Variants in RGL2 observed in about 807,000 individuals in gnomAD.
RGL2 encodes the protein ral guanine nucleotide dissociation stimulator like 2.
In RGL2, 40 loss-of-function variants were observed where a neutral mutation model predicts 84.6. The ratio of observed to expected loss-of-function variants is 0.47; its 90% CI spans 0.37 to 0.62. The LOEUF (loss-of-function observed/expected upper bound fraction) is 0.62, where lower values mean the gene tolerates loss of function less well. Ranked by LOEUF, RGL2 falls within the 20% of genes least tolerant of loss-of-function variation. The probability of loss-of-function intolerance (pLI) is 0.00; values close to 1 mark genes in which losing one functional copy is unlikely to be tolerated. For synonymous variants in RGL2, 369 were observed against 417.3 expected (o/e 0.88, Z 1.41); for missense variants, 865 against 1,019.7 (o/e 0.85, Z 2.07).
In RGL2 at chr6:33,294,600, A is replaced by C. The variant is rs1464806406; in HGVS notation, c.1353+88T>G. On this transcript the variant is annotated intron_variant, in intron 11 of 17. Transcript: ENST00000497454. This position sits in a 1 kb window ranked among gnomAD's most constrained non-coding sequence, Gnocchi z 5.0. ...TCCCACACTCAGCTATTTGTGCCTT[A>C]CAGCCCCTTGCAAGGGGCGGGGGGG... The C allele has an allele frequency of 4.2e-6, 6 of 1,415,338 alleles. No homozygotes were observed. In the Admixed American group the frequency reaches 5.4e-5, roughly 13 times the overall value. The allele number at this position is 1,415,338 out of a possible 1,614,324, so 87.7% of individuals were successfully genotyped here. A position where few individuals can be genotyped will look rare whatever the true frequency, so the allele number is the denominator to read the frequency against.
In RGL2 at chr6:33,293,467, A is replaced by G. The variant is rs138843132; in HGVS notation, c.1662T>C (p.Thr554=). ...GAGTTGTAGGCGCCTCATCTCCCCC[A>G]GTACTGGGCCGGTCACAGGACACAA... ...TPLVSCDRPS[T]GGDEAPTTPA... Residue 554 remains threonine (T), a synonymous_variant, in exon 15 of 18, where the codon ACT becomes ACC. Coordinates refer to ENST00000497454, the MANE Select transcript of RGL2 (RefSeq NM_004761.5). The surrounding 1 kb of genome is among the most constrained non-coding windows in gnomAD (Gnocchi z 7.0). 3.1e-6 allele frequency: 5 copies of G among 1,614,094 alleles called. No individual in the cohort carries two copies. Among genetic ancestry groups the G allele is most frequent in the Non-Finnish European group, 4.2e-6 (5 of 1,179,982 alleles).
rs769005596 is a variant in RGL2 at position 33,294,691 on chromosome 6, C to T, written c.1350G>A (p.Leu450=). 5.6e-6 allele frequency: 9 copies of T among 1,613,928 alleles called. No homozygotes were observed. The highest frequency in any genetic ancestry group is 7.6e-6 in the Non-Finnish European group (9 of 1,180,006). The change falls in exon 11 of 18, where the codon TTG becomes TTA. Residue 450 remains leucine, a synonymous_variant. Coordinates refer to ENST00000497454, the MANE Select transcript of RGL2 (RefSeq NM_004761.5). This position sits in a 1 kb window ranked among gnomAD's most constrained non-coding sequence, Gnocchi z 5.0. The stretch of plus-strand genomic sequence containing the variant: ...GACACACACACACACCACTGACCTC[C>T]AACTCATCCTTGGAGGCTGCATCCA... ...VMLDAASKDE[L]ENGYINFDKR...
chr6:33,298,860 AGGCTCTGACCTGCTCG>A lies in RGL2; in HGVS notation c.-48_-42+9del, dbSNP rs1768288913. The A allele has an allele frequency of 6.6e-6, 2 of 301,174 alleles. No homozygotes were observed. The highest frequency in any genetic ancestry group is 1.2e-5 in the Non-Finnish European group (2 of 168,558). The allele number at this position is 301,174 out of a possible 1,614,324, so 18.7% of individuals were successfully genotyped here. On this transcript the variant is annotated splice_donor_variant and splice_donor_5th_base_variant and 5_prime_UTR_variant and intron_variant, in exon 1 of 18. Transcript: ENST00000497454. LOFTEE classifies it low-confidence loss of function (5UTR_SPLICE). The surrounding 1 kb of genome is among the most constrained non-coding windows in gnomAD (Gnocchi z 4.8). The stretch of plus-strand genomic sequence containing the variant: ...GAGTACGGGGACGCGCAGGGTGCTC[AGGCTCTGACCTGCTCG>A]GGAGGGGTGGGGGCAGCGTGGGTCC...
Position 33,298,822 on chromosome 6 carries a change from A to T in RGL2, c.-42+48T>A. Reference sequence around the variant, plus strand: ...GGGGGGCCCTTGGTGCTGTTGGGGAAGGAGGAGGTCACGAGTACGGGGACG... The same window carrying T: ...GGGGGGCCCTTGGTGCTGTTGGGGATGGAGGAGGTCACGAGTACGGGGACG... On this transcript the variant is annotated intron_variant, in intron 1 of 17. Transcript: ENST00000497454. The surrounding 1 kb of genome is among the most constrained non-coding windows in gnomAD (Gnocchi z 4.8). The T allele has an allele frequency of 2.9e-6, 1 of 349,588 alleles. No individual in the cohort carries two copies. Among genetic ancestry groups the T allele is most frequent in the Non-Finnish European group, 5.0e-6 (1 of 200,758 alleles). The allele number at this position is 349,588 out of a possible 1,614,324, so 21.7% of individuals were successfully genotyped here.
In RGL2 at chr6:33,294,582, C is replaced by G. The variant is rs1010843226; in HGVS notation, c.1353+106G>C. 1.6e-6 allele frequency: 2 copies of G among 1,227,666 alleles called. No individual in the cohort carries two copies. The highest frequency in any genetic ancestry group is 1.5e-5 in the African/African-American group (1 of 67,108). The allele number at this position is 1,227,666 out of a possible 1,614,324, so 76.0% of individuals were successfully genotyped here. A position where few individuals can be genotyped will look rare whatever the true frequency, so the allele number is the denominator to read the frequency against. On this transcript the variant is annotated intron_variant, in intron 11 of 17. Coordinates refer to ENST00000497454, the MANE Select transcript of RGL2 (RefSeq NM_004761.5). This position sits in a 1 kb window ranked among gnomAD's most constrained non-coding sequence, Gnocchi z 5.0. ...GAAACAGATCTGGCTCTGTCCCACA[C>G]TCAGCTATTTGTGCCTTACAGCCCC...
At position 33,291,850 on chromosome 6, in the gene RGL2, A is replaced by G; in HGVS notation, c.*252T>C. The G allele has an allele frequency of 3.4e-6, 2 of 589,198 alleles. No individual in the cohort carries two copies. Among genetic ancestry groups the G allele is most frequent in the South Asian group, 4.1e-5 (2 of 48,196 alleles). 36.5% of individuals were successfully genotyped at this position (589,198 alleles called of 1,614,324 possible). ...GAATCAGAAACTGATGCGTTTTTCC[A>G]GCACTACCTGTGTGCTGCACTCATG... On this transcript the variant is annotated 3_prime_UTR_variant, in exon 18 of 18. Transcript: ENST00000497454.
At position 33,295,792 on chromosome 6, in the gene RGL2, AG is replaced by A. The variant is rs745363077; in HGVS notation, c.769-34del. The A allele has an allele frequency of 2.5e-5, 40 of 1,597,452 alleles. No individual in the cohort carries two copies. The African/African-American group carries it at 4.7e-4, about 19-fold the overall frequency. On this transcript the variant is annotated intron_variant, in intron 6 of 17. Coordinates refer to ENST00000497454, the MANE Select transcript of RGL2 (RefSeq NM_004761.5). This position sits in a 1 kb window ranked among gnomAD's most constrained non-coding sequence, Gnocchi z 7.2. ...GTAGAGGTCAGAGGTTAAAGTTCAT[AG>A]TCAAGTGAGGTCAGCCTTCCAATAT...
chr6:33,297,403 T>A lies in RGL2; in HGVS notation c.157-288A>T. ...TGATCCTGGAGACCCCCAAAGCCCC[T>A]TCTCCCCAGAGCTGAACCCACACAC... On this transcript the variant is annotated intron_variant, in intron 2 of 17. Transcript: ENST00000497454. The surrounding 1 kb of genome is among the most constrained non-coding windows in gnomAD (Gnocchi z 4.0). The A allele has an allele frequency of 2.5e-6, 1 of 404,768 alleles. No individual in the cohort carries two copies. The highest frequency in any genetic ancestry group is 2.0e-5 in the African/African-American group (1 of 49,394). The allele number at this position is 404,768 out of a possible 1,614,324, so 25.1% of individuals were successfully genotyped here.
chr6:33,295,730 C>T lies in RGL2; in HGVS notation c.798G>A (p.Gln266=), dbSNP rs780004428. The T allele has an allele frequency of 1.2e-6, 2 of 1,613,732 alleles. No individual in the cohort carries two copies. Among genetic ancestry groups the T allele is most frequent in the South Asian group, 2.2e-5 (2 of 91,086 alleles). The change falls in exon 7 of 18, where the codon CAG becomes CAA. Residue 266 remains glutamine (Q), a synonymous_variant. Transcript: ENST00000497454. The surrounding 1 kb of genome is among the most constrained non-coding windows in gnomAD (Gnocchi z 7.2). ...AELFLNLIPS[Q]CLGGLWGHRD... is the part of the protein sequence containing the mutation. ...TGTGACCCCACAGGCCTCCCAGGCA[C>T]TGAGAGGGGATCAAATTGAGAAAAA...
chr6:33,294,802 C>T lies in RGL2; in HGVS notation c.1279-40G>A, dbSNP rs748374442. 35 of 1,599,800 alleles carry T rather than the reference C, an allele frequency of 2.2e-5. No individual in the cohort carries two copies. The Admixed American group carries it at 3.2e-4, about 15-fold the overall frequency. ...CAGGGTCAGAAGTGCCTGCCATTGA[C>T]GTGAGGGCCCTCCATCCCTCCGCAC... is the stretch of plus-strand genomic sequence containing the variant. On this transcript the variant is annotated intron_variant, in intron 10 of 17. Coordinates refer to ENST00000497454, the MANE Select transcript of RGL2 (RefSeq NM_004761.5). This position sits in a 1 kb window ranked among gnomAD's most constrained non-coding sequence, Gnocchi z 5.0.
At position 33,293,214 on chromosome 6, in the gene RGL2, T is replaced by C. The variant is rs761580728; in HGVS notation, c.1809A>G (p.Pro603=). 1.3e-6 allele frequency: 2 copies of C among 1,564,668 alleles called. No individual in the cohort carries two copies. Among genetic ancestry groups the C allele is most frequent in the African/African-American group, 2.7e-5 (2 of 73,354 alleles). ...GAGAAGGCCTAGGGGAGGAGGCTGGTGGGGAGAGGTGGCTGGGGTCAGCTG... is the reference window on the plus strand; with the variant it reads ...GAGAAGGCCTAGGGGAGGAGGCTGGCGGGGAGAGGTGGCTGGGGTCAGCTG... The part of the protein sequence containing the change: ...HSPADPSHLS[P]PASSPRPSRG... The change falls in exon 16 of 18, where the codon CCA becomes CCG. Residue 603 remains proline, a synonymous_variant. Coordinates refer to ENST00000497454, the MANE Select transcript of RGL2 (RefSeq NM_004761.5). This position sits in a 1 kb window ranked among gnomAD's most constrained non-coding sequence, Gnocchi z 7.0.
rs775911924 is a variant in RGL2, at chr6:33,298,567, G to A, written c.44C>T (p.Pro15Leu). Residue 15 changes from proline to leucine, a missense_variant, in exon 2 of 18, where the codon CCC becomes CTC. Pro to Leu is a moderately conservative substitution (Grantham distance 98). This residue lies in a region of RGL2 where 23 missense variants were observed against 22.7 expected (regional missense o/e 1.01). Coordinates refer to ENST00000497454, the MANE Select transcript of RGL2 (RefSeq NM_004761.5). This position sits in a 1 kb window ranked among gnomAD's most constrained non-coding sequence, Gnocchi z 4.8. The stretch of plus-strand genomic sequence containing the variant: ...GAAGCTGCTCAGTACGACTCCCCCG[G>A]GGGGGCTCGTGTCCAAAAGCAGCCG... Reference protein sequence around the residue: ...PLRLLLDTSPPGGVVLSSFRS... With the variant: ...PLRLLLDTSPLGGVVLSSFRS... 1.0e-5 allele frequency: 15 copies of A among 1,471,780 alleles called. No homozygotes were observed. The highest frequency in any genetic ancestry group is 1.8e-4 in the Middle Eastern group (1 of 5,668). 91.2% of individuals were successfully genotyped at this position (1,471,780 alleles called of 1,614,324 possible).
At chr6:33,301,573 CAAAAAA>C, upstream of RGL2, 2 of 422,520 alleles carry the variant, frequency 4.7e-6, no homozygotes, top group South Asian at 2.7e-5. Context: ...GACTCCGTCT[CAAAAAA>C]AAAAAAAAAA....
At position 33,294,678 on chromosome 6, in the gene RGL2, C is replaced by A. The variant is rs1204121944; in HGVS notation, c.1353+10G>T. The A allele has an allele frequency of 6.2e-7, 1 of 1,613,860 alleles. No individual in the cohort carries two copies. Among genetic ancestry groups the A allele is most frequent in the Non-Finnish European group, 8.5e-7 (1 of 1,179,868 alleles). Reference sequence around the variant, plus strand: ...ACATCATTGCAATGACACACACACACACCACTGACCTCCAACTCATCCTTG... The same window carrying A: ...ACATCATTGCAATGACACACACACAAACCACTGACCTCCAACTCATCCTTG... On this transcript the variant is annotated intron_variant, in intron 11 of 17. Transcript: ENST00000497454. This position sits in a 1 kb window ranked among gnomAD's most constrained non-coding sequence, Gnocchi z 5.0.
Position 33,296,305 on chromosome 6 carries a change from G to A in RGL2, c.491C>T (p.Ser164Leu). The change falls in exon 6 of 18, where the codon TCA becomes TTA. Residue 164 changes from serine to leucine, a missense_variant. Physicochemically the swap from Ser to Leu is moderately radical, Grantham distance 145 (BLOSUM62 -2). This residue lies in a region of RGL2 where 455 missense variants were observed against 507.8 expected (regional missense o/e 0.90). Coordinates refer to ENST00000497454, the MANE Select transcript of RGL2 (RefSeq NM_004761.5). This position sits in a 1 kb window ranked among gnomAD's most constrained non-coding sequence, Gnocchi z 5.0. ...RTTEVAISVLSTWLASHPEDF... is the reference protein window; with the variant it reads ...RTTEVAISVLLTWLASHPEDF... ...CTCAGGGTGAGAGGCCAGCCAGGTT[G>A]ACAGTACAGAGATGGCTACCCTGGG... The A allele has an allele frequency of 6.2e-7, 1 of 1,612,834 alleles. No individual in the cohort carries two copies. The highest frequency in any genetic ancestry group is 8.5e-7 in the Non-Finnish European group (1 of 1,179,220).
In RGL2 at chr6:33,294,133, C is replaced by A; in HGVS notation, c.1354-67G>T. ...CTTCCGGCCACAGAGAGAGAATATC[C>A]CCTCTCTTAAACACACACAGCCACA... On this transcript the variant is annotated intron_variant, in intron 11 of 17. Coordinates refer to ENST00000497454, the MANE Select transcript of RGL2 (RefSeq NM_004761.5). The surrounding 1 kb of genome is among the most constrained non-coding windows in gnomAD (Gnocchi z 5.0). The A allele has an allele frequency of 6.4e-7, 1 of 1,557,504 alleles. No individual in the cohort carries two copies. The highest frequency in any genetic ancestry group is 8.7e-7 in the Non-Finnish European group (1 of 1,146,336).
rs1361854570 is a variant in RGL2 at position 33,292,635 on chromosome 6, C to T, written c.2008-91G>A. The T allele has an allele frequency of 2.8e-6, 3 of 1,080,360 alleles. No homozygotes were observed. In the African/African-American group the frequency reaches 4.7e-5, roughly 17 times the overall value. The allele number at this position is 1,080,360 out of a possible 1,614,324, so 66.9% of individuals were successfully genotyped here. On this transcript the variant is annotated intron_variant, in intron 16 of 17. Coordinates refer to ENST00000497454, the MANE Select transcript of RGL2 (RefSeq NM_004761.5). ...CACTGAACCCAACCACAAAATGTTA[C>T]TTGTGTCCAAGGCTTTAAAATGAAC...
chr6:33,293,347 G>A lies in RGL2; in HGVS notation c.1717-41C>T. 1 of 1,578,454 alleles carries A rather than the reference G, an allele frequency of 6.3e-7. No homozygotes were observed. Among genetic ancestry groups the A allele is most frequent in the Non-Finnish European group, 8.6e-7 (1 of 1,163,602 alleles). ...ATGGGACTGGCATGAAGGCAGGGAGGTTTAAGGAAGAAACATTTACAGAGT... is the reference window on the plus strand; with the variant it reads ...ATGGGACTGGCATGAAGGCAGGGAGATTTAAGGAAGAAACATTTACAGAGT... On this transcript the variant is annotated intron_variant, in intron 15 of 17. Transcript: ENST00000497454. This position sits in a 1 kb window ranked among gnomAD's most constrained non-coding sequence, Gnocchi z 7.0.
rs374414972 is a variant in RGL2, at chr6:33,292,563, A to C, written c.2008-19T>G. The stretch of plus-strand genomic sequence containing the variant: ...TTGTCACCTGGCAGAACAGGAGACC[A>C]AAAGAGCAATCAATCAGCCATGATT... On this transcript the variant is annotated intron_variant, in intron 16 of 17. Coordinates refer to ENST00000497454, the MANE Select transcript of RGL2 (RefSeq NM_004761.5). 93 of 1,583,620 alleles carry C rather than the reference A, an allele frequency of 5.9e-5. No homozygotes were observed. The African/African-American group carries it at 7.3e-4, about 12-fold the overall frequency.
Sources: gnomAD v4.1 joint callset for allele counts on GRCh38, gnomAD v4.1.1 for gene constraint, gnomAD v4.1.1 regional missense constraint, Gnocchi (gnomAD v3.1) non-coding constraint, MANE v1.5 for transcripts, NCBI Gene and HGNC (gene_info 2026-07-23, HGNC 2026-07-21) for gene names.